NOS1AP: variants seen among roughly 807,000 people sequenced by gnomAD.
The protein encoded by NOS1AP is carboxyl-terminal PDZ ligand of neuronal nitric oxide synthase protein.
Under a neutral mutation model 56.2 loss-of-function variants are expected in NOS1AP, and 21 were observed. The observed-to-expected ratio is 0.37, with a 90% CI of 0.26 to 0.54. The LOEUF is 0.54. Ranked by LOEUF, NOS1AP falls within the 20% of genes least tolerant of loss-of-function variation. The pLI is 0.84. For synonymous variants in NOS1AP, 270 were observed against 274.6 expected (o/e 0.98, Z 0.17); for missense variants, 522 against 657.8 (o/e 0.79, Z 2.26).
chr1:162,273,428 G>A lies in NOS1AP; in HGVS notation c.178-13916G>A, dbSNP rs185750606. Among the ~76,000 whole-genome samples, 52 of 152,338 alleles carry A rather than the reference G, an allele frequency of 3.4e-4. 2 individuals are homozygous for A. The highest frequency in any genetic ancestry group is 1.2e-3 in the African/African-American group (50 of 41,572). ...GATCCACCCACCTCGGCCTCCCGAAGTGCTGGTATTACAGGCGTGAGCCAC... is the reference window on the plus strand; with the variant it reads ...GATCCACCCACCTCGGCCTCCCGAAATGCTGGTATTACAGGCGTGAGCCAC... On this transcript the variant is annotated intron_variant, in intron 2 of 9. Transcript: ENST00000361897.
intron 6 of NOS1AP, 110 bp from the exon 7 acceptor site, chr1:162,355,077 G>C: frequency 1.7e-6 from 2 of 1,205,422 alleles, no homozygotes; most frequent in South Asian, 1.2e-5. Flanking sequence ...ATGTTACAAA[G>C]CCAGTGGCAT....
intron 2 of NOS1AP, among the ~76,000 whole-genome samples, chr1:162,278,286 C>T (rs1276446623): frequency 1.3e-5 from 2 of 152,112 alleles, no homozygotes; most frequent in Non-Finnish European, 1.5e-5. Context: ...AACCCAATAC[C>T]CTGGCTTCAC....
intron 1 of NOS1AP, among the ~76,000 whole-genome samples, chr1:162,131,795 C>T (rs1648761190): frequency 6.6e-6 from 1 of 151,840 alleles, no homozygotes; most frequent in South Asian, 2.1e-4. Flanking sequence ...GAGAAGGCAC[C>T]AAGGTAGACA....
At chr1:162,197,817 G>T (rs116491848) in intron 2 of NOS1AP, among the ~76,000 whole-genome samples, 5,243 of 152,326 alleles carry the variant, frequency 0.034, 131 homozygotes, top group Non-Finnish European at 0.049. Flanking sequence ...TAGGGTGTGC[G>T]GCAGGGCTAC....
intron 2 of NOS1AP, among the ~76,000 whole-genome samples, chr1:162,195,731 T>C (rs1161596149): frequency 6.6e-6 from 1 of 152,218 alleles, no homozygotes; most frequent in Non-Finnish European, 1.5e-5. Context: ...TTTTCACTTC[T>C]TGTGTTCTTT....
intron 1 of NOS1AP, among the ~76,000 whole-genome samples, chr1:162,089,457 T>A (rs1692079932): frequency 6.6e-6 from 1 of 152,234 alleles, no homozygotes; most frequent in Non-Finnish European, 1.5e-5. Context: ...TCTGTATCCT[T>A]CACCATCTTT....
chr1:162,186,827 T>C (rs556169243), intron 2 of NOS1AP, among the ~76,000 whole-genome samples: 1 of 152,252 alleles, frequency 6.6e-6, no homozygotes, highest in Admixed American at 6.5e-5. Context: ...TATGACACTT[T>C]CGTTATAGCA....
At chr1:162,274,791 C>T (rs779251638) in intron 2 of NOS1AP, among the ~76,000 whole-genome samples, 4 of 152,196 alleles carry the variant, frequency 2.6e-5, no homozygotes, top group Non-Finnish European at 4.4e-5. Context: ...TCCTGTTAGA[C>T]AAAAACACTG....
chr1:162,271,402 A>C (rs1009290634), intron 2 of NOS1AP, among the ~76,000 whole-genome samples: 6 of 152,132 alleles, frequency 3.9e-5, no homozygotes, highest in Non-Finnish European at 7.4e-5. Context: ...TATGGAAAGA[A>C]AGTATGAGGG....
At chr1:162,296,305 A>G (rs1655460653) in intron 3 of NOS1AP, among the ~76,000 whole-genome samples, 1 of 152,154 alleles carries the variant, frequency 6.6e-6, no homozygotes, top group South Asian at 2.1e-4. Flanking sequence ...AAAAGCTCCA[A>G]CAGTATTTGC....
At chr1:162,333,235 G>A in intron 5 of NOS1AP, 110 bp downstream of exon 5, 2 of 745,158 alleles carry the variant, frequency 2.7e-6, no homozygotes, top group Non-Finnish European at 2.4e-6. Context: ...CCGACATGGG[G>A]CAACTATCTC....
chr1:162,344,048 C>G (rs569114549), intron 6 of NOS1AP, 72 bp downstream of exon 6: 9 of 1,523,038 alleles, frequency 5.9e-6, no homozygotes, highest in Middle Eastern at 3.4e-4. Context: ...GATCACTGCC[C>G]TGACCCCCAG....
chr1:162,085,961 A>T (rs574157187), intron 1 of NOS1AP, among the ~76,000 whole-genome samples: 11 of 152,284 alleles, frequency 7.2e-5, no homozygotes, highest in African/African-American at 2.6e-4. Flanking sequence ...TGTCAAATCA[A>T]GTGACTTGCC....
chr1:162,140,591 A>T (rs543058238), intron 1 of NOS1AP, among the ~76,000 whole-genome samples: 1 of 152,360 alleles, frequency 6.6e-6, no homozygotes, highest in South Asian at 2.1e-4. Flanking sequence ...TATTGTGAAT[A>T]ATGCTGCAAT....
chr1:162,296,276 A>C (rs1229810082), intron 3 of NOS1AP, among the ~76,000 whole-genome samples: 1 of 151,984 alleles, frequency 6.6e-6, no homozygotes, highest in Non-Finnish European at 1.5e-5. Context: ...ACAGAGCGAG[A>C]CTCTGTCTCA....
intron 2 of NOS1AP, among the ~76,000 whole-genome samples, chr1:162,157,970 G>C (rs1650040220): frequency 6.6e-6 from 1 of 152,044 alleles, no homozygotes; most frequent in Non-Finnish European, 1.5e-5. Flanking sequence ...AGCGTATTTT[G>C]CTTTTTTTCC....
chr1:162,346,071 A>G (rs1657285867), intron 6 of NOS1AP, among the ~76,000 whole-genome samples: 2 of 152,228 alleles, frequency 1.3e-5, no homozygotes, highest in South Asian at 4.1e-4. Context: ...TGTGTTTGCA[A>G]ATTTAGTGTA....
Position 162,073,889 on chromosome 1 carries a change from A to G in NOS1AP, c.105+3607A>G, listed in dbSNP as rs149826659. On this transcript the variant is annotated intron_variant, in intron 1 of 9. Transcript: ENST00000361897. ...TGATGCTGGTGGGTGGGTAAATCTC[A>G]CATGCCCTGAGAGCCTGTGGCTCCT... is the stretch of plus-strand genomic sequence containing the variant. 1.4e-3 allele frequency among the ~76,000 whole-genome samples: 216 copies of G among 152,310 alleles called. 2 individuals carry two copies. Among genetic ancestry groups the G allele is most frequent in the African/African-American group, 4.9e-3 (205 of 41,568 alleles).
chr1:162,328,335 G>A (rs548053358), intron 4 of NOS1AP, among the ~76,000 whole-genome samples: 7 of 152,172 alleles, frequency 4.6e-5, no homozygotes, highest in Non-Finnish European at 5.9e-5. Context: ...TAACAAACCC[G>A]TCCATCCTGC....
Sources: allele counts gnomAD v4.1 joint callset (sites outside exome capture counted in the v4.1 genomes callset), GRCh38; gene constraint gnomAD v4.1.1; transcripts MANE v1.5; gene names NCBI Gene and HGNC (gene_info 2026-07-23, HGNC 2026-07-21).